The following ADAMTSL3 variants were observed in gnomAD, a reference collection of about 807,000 sequenced individuals.
ADAMTSL3 encodes ADAMTS like 3.
ADAMTSL3 carries 128 observed loss-of-function variants against 201.7 expected under a neutral mutation model. That is an observed-to-expected ratio of 0.63 (90% CI 0.55 to 0.73). ADAMTSL3 has a LOEUF of 0.73. ADAMTSL3 is among the 30% of genes least tolerant of loss of function. The pLI is 0.00. For synonymous variants in ADAMTSL3, 738 were observed against 748.4 expected, an observed-to-expected ratio of 0.99 and a Z score of 0.23; for missense variants, 1,990 against 2,119.6, an observed-to-expected ratio of 0.94 and a Z score of 1.20.
intron 17 of ADAMTSL3, among the ~76,000 whole-genome samples, chr15:83,942,251 C>T (rs1269291711): frequency 1.3e-5 from 2 of 152,170 alleles, no homozygotes; most frequent in Non-Finnish European, 2.9e-5. Context: ...TTTCTTTTGA[C>T]ACCTATATAA....
At position 83,932,947 on chromosome 15, in the gene ADAMTSL3, C is replaced by T. The variant is rs114812957; in HGVS notation, c.2117+8914C>T. 5.9e-3 allele frequency among the ~76,000 whole-genome samples: 892 copies of T among 152,158 alleles called. 6 individuals are homozygous for T. Among genetic ancestry groups the T allele is most frequent in the African/African-American group, 0.02 (825 of 41,518 alleles). On this transcript the variant is annotated intron_variant, in intron 17 of 29. Coordinates refer to ENST00000286744, the MANE Select transcript of ADAMTSL3 (RefSeq NM_207517.3). ...ATTTAAAATGTTTACATATATAAAA[C>T]AGGAAATTAAAAATCTACGCTATGA...
At chr15:83,842,258 G>T (rs945383056) in intron 7 of ADAMTSL3, among the ~76,000 whole-genome samples, 2 of 151,954 alleles carry the variant, frequency 1.3e-5, no homozygotes, top group African/African-American at 4.8e-5. Flanking sequence ...AAGGGATACA[G>T]AAAGCGCTGC....
intron 7 of ADAMTSL3, among the ~76,000 whole-genome samples, chr15:83,848,440 C>T (rs906787252): frequency 5.3e-5 from 8 of 152,150 alleles, no homozygotes; most frequent in African/African-American, 1.9e-4. Context: ...GCTGTGATAT[C>T]CAGCAGGAAA....
At chr15:83,896,222 TAACA>T (rs1373206083) in intron 13 of ADAMTSL3, among the ~76,000 whole-genome samples, 2 of 152,096 alleles carry the variant, frequency 1.3e-5, no homozygotes, top group East Asian at 3.9e-4. Flanking sequence ...ATTCATGAGA[TAACA>T]AATGAAGGAG....
At chr15:83,851,915 GTTCCAC>G (rs1375251084) in intron 7 of ADAMTSL3, among the ~76,000 whole-genome samples, 1 of 152,138 alleles carries the variant, frequency 6.6e-6, no homozygotes, top group Non-Finnish European at 1.5e-5. Flanking sequence ...CTCCTAACCA[GTTCCAC>G]TTTTTAGAGG....
Position 84,025,338 on chromosome 15 carries a change from C to G in ADAMTSL3, c.4558C>G (p.Gln1520Glu), listed in dbSNP as rs2068284070. The change falls in exon 27 of 30, where the codon CAG becomes GAG. Residue 1520 changes from glutamine (Q) to glutamate (E), a missense_variant. By Grantham distance (29) the Gln-to-Glu change is conservative. Coordinates refer to ENST00000286744, the MANE Select transcript of ADAMTSL3 (RefSeq NM_207517.3). ...GCGGACAAAAGCCAATGGAACTGTG[C>G]AGGTGGTGTCTCCAAGAGCATGTGC... ...CKRTKANGTV[Q>E]VVSPRACAPK... The G allele has an allele frequency of 6.2e-7, 1 of 1,614,042 alleles. No individual in the cohort carries two copies.
At chr15:83,914,847 G>GTT (rs1567233543) in intron 16 of ADAMTSL3, among the ~76,000 whole-genome samples, 1 of 73,490 alleles carries the variant, frequency 1.4e-5, no homozygotes, top group Non-Finnish European at 2.7e-5. Context: ...TTGTTTGTTT[G>GTT]GTTTTGTTTG....
chr15:84,033,152 A>G (rs1298859527), intron 28 of ADAMTSL3, among the ~76,000 whole-genome samples: 1 of 151,528 alleles, frequency 6.6e-6, no homozygotes, highest in Non-Finnish European at 1.5e-5. Context: ...ATCGTATCTC[A>G]CCTGGTATAC....
intron 3 of ADAMTSL3, among the ~76,000 whole-genome samples, chr15:83,752,518 A>C (rs367611882): frequency 3.9e-5 from 6 of 152,296 alleles, no homozygotes; most frequent in African/African-American, 9.6e-5. Context: ...TACACGCACA[A>C]ATTTTCTTTC....
intron 21 of ADAMTSL3, among the ~76,000 whole-genome samples, chr15:83,987,583 G>A (rs962929819): frequency 2.6e-5 from 4 of 152,142 alleles, no homozygotes; most frequent in Admixed American, 2.0e-4. Context: ...AACTTTACAG[G>A]GGAAATTACA....
At chr15:83,851,622 T>C (rs943490144) in intron 7 of ADAMTSL3, among the ~76,000 whole-genome samples, 2 of 152,158 alleles carry the variant, frequency 1.3e-5, no homozygotes, top group South Asian at 4.1e-4. Flanking sequence ...ATGCTGTATA[T>C]GTGTTGTAAA....
At chr15:83,936,128 A>G (rs941470746) in intron 17 of ADAMTSL3, among the ~76,000 whole-genome samples, 24 of 152,112 alleles carry the variant, frequency 1.6e-4, no homozygotes, top group Non-Finnish European at 1.2e-4. Context: ...ATGGAAATCA[A>G]TAATAGTTTC....
chr15:83,755,979 T>C (rs1234142653), intron 3 of ADAMTSL3, among the ~76,000 whole-genome samples: 2 of 152,204 alleles, frequency 1.3e-5, no homozygotes, highest in Admixed American at 1.3e-4. Context: ...CAGGCTGCTC[T>C]CGAACTCCTG....
intron 2 of ADAMTSL3, among the ~76,000 whole-genome samples, chr15:83,700,306 T>G (rs2061753844): frequency 6.6e-6 from 1 of 152,210 alleles, no homozygotes; most frequent in Non-Finnish European, 1.5e-5. Flanking sequence ...CTGACCTCCT[T>G]TCTATTTTAG....
chr15:83,724,452 G>A (rs1034111018), intron 3 of ADAMTSL3, among the ~76,000 whole-genome samples: 11 of 151,986 alleles, frequency 7.2e-5, no homozygotes, highest in African/African-American at 2.7e-4. Flanking sequence ...TATTTATGGG[G>A]TATGTGAGAT....
At chr15:83,831,342 G>A (rs1478820302) in intron 6 of ADAMTSL3, among the ~76,000 whole-genome samples, 4 of 152,180 alleles carry the variant, frequency 2.6e-5, no homozygotes, top group African/African-American at 9.7e-5. Flanking sequence ...AGGCTGAAAT[G>A]AGTAGGGATG....
chr15:83,750,842 G>C (rs150941191), intron 3 of ADAMTSL3, among the ~76,000 whole-genome samples: 37 of 152,262 alleles, frequency 2.4e-4, no homozygotes, highest in African/African-American at 8.9e-4. Context: ...GAGCCACTGC[G>C]CCCGGCTGGG....
intron 2 of ADAMTSL3, among the ~76,000 whole-genome samples, chr15:83,665,124 G>T (rs1294466179): frequency 2.0e-5 from 3 of 152,170 alleles, no homozygotes; most frequent in African/African-American, 4.8e-5. Context: ...AGCAAACTGG[G>T]TGGAGAGTTA....
chr15:83,655,189 G>T (rs896592314), intron 1 of ADAMTSL3, among the ~76,000 whole-genome samples: 3 of 152,170 alleles, frequency 2.0e-5, no homozygotes, highest in African/African-American at 7.2e-5. Flanking sequence ...TAGCTCTCAG[G>T]CGTCTCTCTG....
Sources: allele counts gnomAD v4.1 joint callset (sites outside exome capture counted in the v4.1 genomes callset), GRCh38; gene constraint gnomAD v4.1.1; transcripts MANE v1.5; gene names NCBI Gene and HGNC (gene_info 2026-07-23, HGNC 2026-07-21).